Variants in CPED1 observed in about 807,000 individuals in gnomAD.
The protein encoded by CPED1 is cadherin like and PC-esterase domain containing 1, also known as cadherin-like and PC-esterase domain-containing protein 1.
Under a neutral mutation model 128.2 loss-of-function variants are expected in CPED1, and 114 were observed. The observed-to-expected ratio is 0.89, with a 90% CI of 0.76 to 1.04. CPED1 has a LOEUF of 1.04. CPED1 is among the 50% of genes least tolerant of loss of function. The probability of loss-of-function intolerance (pLI) is 0.00; values close to 1 mark genes in which losing one functional copy is unlikely to be tolerated. For missense variants in CPED1, 1,211 were observed against 1,207.1 expected (o/e 1.00, Z -0.05); for synonymous variants, 462 against 426.7 (o/e 1.08, Z -1.02).
At chr7:121,050,287 G>T (rs1421787335) in intron 4 of CPED1, 1 of 152,176 alleles carries the variant, frequency 6.6e-6, no homozygotes, top group Non-Finnish European at 1.5e-5. Flanking sequence ...GGGCTTCCTT[G>T]CCTTTCTCTC....
intron 5 of CPED1, among the ~76,000 whole-genome samples, chr7:121,095,375 T>A (rs1794673722): frequency 6.6e-6 from 1 of 152,144 alleles, no homozygotes; most frequent in Non-Finnish European, 1.5e-5. Flanking sequence ...TAAAATTCCA[T>A]AAAATGCATT....
intron 5 of CPED1, among the ~76,000 whole-genome samples, chr7:121,092,692 G>A (rs1041131735): frequency 6.6e-6 from 1 of 152,080 alleles, no homozygotes; most frequent in Non-Finnish European, 1.5e-5. Context: ...TAGTAGTTAG[G>A]GGGTAGGAGC....
At chr7:121,272,384 C>CA in intron 22 of CPED1, among the ~76,000 whole-genome samples, 1 of 149,274 alleles carries the variant, frequency 6.7e-6, no homozygotes, top group South Asian at 2.1e-4. Flanking sequence ...CATGCTACTT[C>CA]TTTTTTTTTT....
At position 121,236,749 on chromosome 7, in the gene CPED1, TG is replaced by T. The variant is rs1264366523; in HGVS notation, c.2094del (p.Leu699TyrfsTer17). Reference protein sequence around the residue: ...GLLIHPEETCGLQPISSDYIE... With the variant: ...GLLIHPEETCXLQPISSDYIE... ...TGCTGATTCATCCAGAGGAAACCTG[TG>T]GGTTACAGCCTATTTCTTCTGACTA... On this transcript the variant is annotated frameshift_variant, in exon 17 of 23. Coordinates refer to ENST00000310396, the MANE Select transcript of CPED1 (RefSeq NM_024913.5). LOFTEE classifies it high-confidence loss of function. The T allele has an allele frequency of 1.4e-5, 23 of 1,608,518 alleles. No homozygotes were observed. Among genetic ancestry groups the T allele is most frequent in the Non-Finnish European group, 1.8e-5 (21 of 1,177,830 alleles).
intron 12 of CPED1, among the ~76,000 whole-genome samples, chr7:121,130,862 C>T (rs1435045487): frequency 6.6e-6 from 1 of 151,932 alleles, no homozygotes; most frequent in Non-Finnish European, 1.5e-5. Flanking sequence ...AATTTCCCAC[C>T]TTCACTTCCA....
At position 121,244,341 on chromosome 7, in the gene CPED1, AG is replaced by A; in HGVS notation, c.2310+5del. The stretch of plus-strand genomic sequence containing the variant: ...AGCAGTGCCTGGGAGGAAGGAAGGT[AG>A]GTTCTGGATCTAGTGGGGGAAGCCT... On this transcript the variant is annotated splice_donor_region_variant and intron_variant, in intron 18 of 22. Transcript: ENST00000310396. 1.2e-6 allele frequency: 2 copies of A among 1,614,102 alleles called. No homozygotes were observed. The highest frequency in any genetic ancestry group is 1.7e-6 in the Non-Finnish European group (2 of 1,179,976).
intron 2 of CPED1, among the ~76,000 whole-genome samples, chr7:121,009,978 A>T (rs1792118743): frequency 6.6e-6 from 1 of 152,230 alleles, no homozygotes; most frequent in African/African-American, 2.4e-5. Flanking sequence ...ACATTTATGT[A>T]TTCATTCATT....
intron 18 of CPED1, among the ~76,000 whole-genome samples, chr7:121,256,132 A>AAAAAAAAAAAAAAAAAAC (rs1562852772): frequency 6.8e-6 from 1 of 147,968 alleles, no homozygotes; most frequent in African/African-American, 2.5e-5. Context: ...AACAAAACAA[A>AAAAAAAAAAAAAAAAAAC]AAAAAAAAAC....
At chr7:121,074,509 G>GTGTTTTTTTTTT (rs1246517373) in intron 5 of CPED1, among the ~76,000 whole-genome samples, 1 of 80,838 alleles carries the variant, frequency 1.2e-5, no homozygotes, top group Non-Finnish European at 2.3e-5. Context: ...TTTCCTTTGT[G>GTGTTTTTTTTTT]TTTTTTTTTT....
chr7:121,067,279 A>C (rs1162905395), intron 5 of CPED1, among the ~76,000 whole-genome samples: 2 of 150,684 alleles, frequency 1.3e-5, no homozygotes, highest in Non-Finnish European at 2.9e-5. Context: ...CCCACCCCAC[A>C]ACAGGCCCTG....
intron 16 of CPED1, among the ~76,000 whole-genome samples, chr7:121,181,105 T>G (rs1024058940): frequency 6.6e-5 from 10 of 152,158 alleles, no homozygotes; most frequent in African/African-American, 2.2e-4. Flanking sequence ...TGAAGTGTGA[T>G]GATTCTTAAA....
At chr7:121,228,478 CA>C (rs921038846) in intron 16 of CPED1, among the ~76,000 whole-genome samples, 3 of 141,334 alleles carry the variant, frequency 2.1e-5, no homozygotes, top group African/African-American at 5.2e-5. Flanking sequence ...ATTAAAAAGA[CA>C]AAAAAAATAG....
chr7:121,277,670 TCCC>T (rs1186181146), intron 22 of CPED1, among the ~76,000 whole-genome samples: 1 of 152,064 alleles, frequency 6.6e-6, no homozygotes, highest in Admixed American at 6.6e-5. Flanking sequence ...CTCCTGCTGT[TCCC>T]CCTGAGCGAA....
chr7:121,155,024 C>T (rs1007169886), intron 16 of CPED1, among the ~76,000 whole-genome samples: 32 of 152,170 alleles, frequency 2.1e-4, no homozygotes, highest in African/African-American at 7.5e-4. Flanking sequence ...AGTTAAGTTG[C>T]GGGTTGCAAA....
chr7:121,201,252 G>A (rs1470199834), intron 16 of CPED1, among the ~76,000 whole-genome samples: 2 of 151,972 alleles, frequency 1.3e-5, no homozygotes, highest in East Asian at 1.9e-4. Context: ...GGTCAACATG[G>A]TAACACCCCG....
chr7:121,131,848 C>T (rs566505017), intron 12 of CPED1, among the ~76,000 whole-genome samples: 141 of 151,982 alleles, frequency 9.3e-4, no homozygotes, highest in African/African-American at 2.9e-3. Context: ...CATAAAATTT[C>T]ATTTGCTACA....
chr7:121,065,969 T>C (rs558805000), intron 5 of CPED1, among the ~76,000 whole-genome samples: 2 of 152,228 alleles, frequency 1.3e-5, no homozygotes, highest in South Asian at 4.1e-4. Context: ...TCTGCAGCAT[T>C]ATTTTCTGAT....
At chr7:121,176,216 A>C (rs10214981) in intron 16 of CPED1, among the ~76,000 whole-genome samples, 54,640 of 92,868 alleles carry the variant, frequency 0.59, 18,510 homozygotes, top group East Asian at 0.89. Context: ...AAAAAAAAAA[A>C]CACCTCTGGA....
chr7:121,199,254 A>G (rs1797334160), intron 16 of CPED1, among the ~76,000 whole-genome samples: 1 of 152,148 alleles, frequency 6.6e-6, no homozygotes, highest in African/African-American at 2.4e-5. Context: ...CATGGGGTAT[A>G]ATAATGAGTA....
Sources: gnomAD v4.1 joint callset for allele counts (sites outside exome capture counted in the v4.1 genomes callset) on GRCh38, gnomAD v4.1.1 for gene constraint, MANE v1.5 for transcripts, NCBI Gene and HGNC (gene_info 2026-07-23, HGNC 2026-07-21) for gene names.